Variants in PCDH11X observed in about 807,000 individuals in gnomAD.
The protein encoded by PCDH11X is protocadherin 11 X-linked.
Under a neutral mutation model 53.3 loss-of-function variants are expected in PCDH11X, and 18 were observed. That is an observed-to-expected ratio of 0.34 (90% CI 0.23 to 0.50). The LOEUF (loss-of-function observed/expected upper bound fraction) is 0.50, where lower values mean the gene tolerates loss of function less well. Ranked by LOEUF, PCDH11X falls within the 20% of genes least tolerant of loss-of-function variation. PCDH11X has a pLI of 0.98. For synonymous variants in PCDH11X, 279 were observed against 393.3 expected, an observed-to-expected ratio of 0.71 and a Z score of 3.44; for missense variants, 570 against 1,032.4, an observed-to-expected ratio of 0.55 and a Z score of 6.14.
chrX:92,231,998 G>A (rs1359991610), intron 7 of PCDH11X, among the ~76,000 whole-genome samples: 1 of 111,453 alleles, frequency 9.0e-6, no homozygotes, highest in Non-Finnish European at 1.9e-5. Context: ...GGAGATTTGC[G>A]GAACTATTCG....
intron 6 of PCDH11X, among the ~76,000 whole-genome samples, chrX:92,127,304 A>T (rs2064885250): frequency 9.2e-6 from 1 of 108,354 alleles, no homozygotes; most frequent in South Asian, 4.0e-4. Flanking sequence ...TTTCCGTACC[A>T]GCCAAAAATT....
intron 10 of PCDH11X, among the ~76,000 whole-genome samples, chrX:92,494,169 A>G (rs1412583195): frequency 9.1e-6 from 1 of 110,482 alleles, no homozygotes; most frequent in Non-Finnish European, 1.9e-5. Flanking sequence ...GCAATTCAAA[A>G]ATTTCCTTAA....
intron 8 of PCDH11X, among the ~76,000 whole-genome samples, chrX:92,337,944 A>G (rs1171712948): frequency 9.0e-6 from 1 of 111,273 alleles, no homozygotes; most frequent in Non-Finnish European, 1.9e-5. Flanking sequence ...TCTACATTAT[A>G]TTGTCCCCTC....
At chrX:92,059,278 T>G (rs376055187) in intron 6 of PCDH11X, among the ~76,000 whole-genome samples, 1 of 111,062 alleles carries the variant, frequency 9.0e-6, no homozygotes, top group African/African-American at 3.3e-5. Context: ...CCAACTCATA[T>G]TGTACAGGAC....
At chrX:91,912,640 T>A (rs1378657261) in intron 6 of PCDH11X, among the ~76,000 whole-genome samples, 3 of 111,255 alleles carry the variant, frequency 2.7e-5, no homozygotes, top group Non-Finnish European at 5.7e-5. Context: ...ATGATCGATC[T>A]TTTTAATGTG....
At chrX:92,505,152 C>CTTTTTTTTTTTTTTTT (rs58620449) in intron 10 of PCDH11X, among the ~76,000 whole-genome samples, 30 of 64,241 alleles carry the variant, frequency 4.7e-4, no homozygotes, top group African/African-American at 9.3e-4. Flanking sequence ...TTTCTTTTTT[C>CTTTTTTTTTTTTTTTT]TTTTTTTTTT....
chrX:92,574,989 A>G (rs1922653418), intron 10 of PCDH11X, among the ~76,000 whole-genome samples: 1 of 110,811 alleles, frequency 9.0e-6, no homozygotes, highest in Non-Finnish European at 1.9e-5. Context: ...ATATGACTGT[A>G]AAAGTGCGCT....
At chrX:91,868,201 C>A (rs1159956260) in intron 5 of PCDH11X, among the ~76,000 whole-genome samples, 2 of 112,100 alleles carry the variant, frequency 1.8e-5, no homozygotes, top group African/African-American at 6.5e-5. Flanking sequence ...CTAGTTACTG[C>A]CAATTTGAAA....
intron 10 of PCDH11X, among the ~76,000 whole-genome samples, chrX:92,567,707 T>G (rs1921644876): frequency 9.1e-6 from 1 of 110,002 alleles, no homozygotes. Context: ...CTTGTGCTGG[T>G]TTTCATGGGG....
intron 8 of PCDH11X, among the ~76,000 whole-genome samples, chrX:92,270,258 C>T (rs915674300): frequency 1.5e-4 from 16 of 109,843 alleles, no homozygotes; most frequent in Admixed American, 2.0e-4. Flanking sequence ...GGATTACAGG[C>T]GCCCACCACC....
intron 10 of PCDH11X, among the ~76,000 whole-genome samples, chrX:92,495,359 ACACTTCT>A (rs2073842393): frequency 9.3e-6 from 1 of 107,908 alleles, no homozygotes; most frequent in African/African-American, 3.4e-5. Flanking sequence ...CACTTTGAAA[ACACTTCT>A]CATCTTTCAA....
intron 6 of PCDH11X, among the ~76,000 whole-genome samples, chrX:92,005,990 G>T (rs1218333831): frequency 8.9e-6 from 1 of 112,101 alleles, no homozygotes; most frequent in East Asian, 2.8e-4. Context: ...TGGAGCTCCA[G>T]TGTATGACAT....
At chrX:92,541,891 G>C (rs2148738114) in intron 10 of PCDH11X, among the ~76,000 whole-genome samples, 1 of 110,547 alleles carries the variant, frequency 9.0e-6, no homozygotes, top group African/African-American at 3.3e-5. Context: ...GGAGGTTGCA[G>C]TGAGCCAAGA....
intron 6 of PCDH11X, among the ~76,000 whole-genome samples, chrX:92,093,497 C>T (rs34078759): frequency 1.7e-4 from 19 of 111,154 alleles, no homozygotes; most frequent in Admixed American, 5.8e-4. Context: ...ATTATTTAAC[C>T]TGTGGACAAC....
At position 92,300,352 on chromosome X, in the gene PCDH11X, C is replaced by A. The variant is rs187961661; in HGVS notation, c.3144+37209C>A. ...GTGTTAATTTAGATGTAAGAAGACA[C>A]TCTGGCTTTTTGAGTTGCCAGAGTG... On this transcript the variant is annotated intron_variant, in intron 8 of 10. Coordinates refer to ENST00000682573, the MANE Select transcript of PCDH11X (RefSeq NM_032968.5). 2.7e-3 allele frequency among the ~76,000 whole-genome samples: 304 copies of A among 111,578 alleles called. 2 individuals carry two copies. Among genetic ancestry groups the A allele is most frequent in the African/African-American group, 9.1e-3 (278 of 30,638 alleles).
At chrX:91,873,764 T>C (rs1177390997) in intron 5 of PCDH11X, among the ~76,000 whole-genome samples, 1 of 111,843 alleles carries the variant, frequency 8.9e-6, no homozygotes, top group African/African-American at 3.2e-5. Context: ...AATTGGATAA[T>C]TGGCTCCGAA....
At chrX:91,805,303 C>G (rs1936062412) in intron 1 of PCDH11X, among the ~76,000 whole-genome samples, 1 of 110,746 alleles carries the variant, frequency 9.0e-6, no homozygotes, top group Admixed American at 9.6e-5. Context: ...TTCTGGCGTT[C>G]TTTAAACTAG....
chrX:91,956,802 G>A (rs749298811), intron 6 of PCDH11X, among the ~76,000 whole-genome samples: 18 of 107,189 alleles, frequency 1.7e-4, no homozygotes, highest in African/African-American at 6.2e-4. Context: ...ATGTTGGCCT[G>A]TCTTGCTAGG....
intron 8 of PCDH11X, among the ~76,000 whole-genome samples, chrX:92,377,121 T>C (rs1022367461): frequency 3.6e-5 from 4 of 111,700 alleles, no homozygotes; most frequent in African/African-American, 9.7e-5. Flanking sequence ...ACAACACTAG[T>C]CTTTTAAAAT....
Sources: gnomAD v4.1 joint callset for allele counts (sites outside exome capture counted in the v4.1 genomes callset) on GRCh38, gnomAD v4.1.1 for gene constraint, MANE v1.5 for transcripts, NCBI Gene and HGNC (gene_info 2026-07-23, HGNC 2026-07-21) for gene names.